The following DNAH5 variants were observed in gnomAD, a reference collection of about 807,000 sequenced individuals.
DNAH5 encodes axonemal beta dynein heavy chain 5.
In DNAH5, 372 loss-of-function variants were observed where a neutral mutation model predicts 518.2. The observed-to-expected ratio is 0.72, with a 90% confidence interval of 0.66 to 0.78. The LOEUF is 0.78. DNAH5 is among the 30% of genes least tolerant of loss of function. The pLI is 0.00. For missense variants in DNAH5, 5,523 were observed against 5,687.0 expected (o/e 0.97, Z 0.93); for synonymous variants, 2,039 against 2,025.9 (o/e 1.01, Z -0.17).
At chr5:13,818,534 T>A (rs1399575104) in intron 41 of DNAH5, among the ~76,000 whole-genome samples, 1 of 152,238 alleles carries the variant, frequency 6.6e-6, no homozygotes, top group African/African-American at 2.4e-5. Flanking sequence ...GACTCTTTTT[T>A]TCTGCTAAAA....
Position 13,923,296 on chromosome 5 carries a change from G to C in DNAH5, c.422C>G (p.Pro141Arg). The C allele has an allele frequency of 6.2e-7, 1 of 1,614,154 alleles. No individual in the cohort carries two copies. Among genetic ancestry groups the C allele is most frequent in the Non-Finnish European group, 8.5e-7 (1 of 1,180,000 alleles). The change falls in exon 4 of 79, where the codon CCT (proline) becomes CGT (arginine). Residue 141 changes from proline to arginine, a missense_variant. Coordinates refer to ENST00000265104, the MANE Select transcript of DNAH5 (RefSeq NM_001369.3). ...GCCCCTTACCTGGTGGATGTTGTCA[G>C]GGGTGATGGCTTTGGAAGGGTCAGT... Reference protein sequence around the residue: ...IRTDPSKAITPDNIHQEVSFN... With the variant: ...IRTDPSKAITRDNIHQEVSFN...
intron 17 of DNAH5, among the ~76,000 whole-genome samples, chr5:13,890,651 G>A (rs1335407292): frequency 1.3e-5 from 2 of 152,078 alleles, no homozygotes; most frequent in East Asian, 1.9e-4. Flanking sequence ...CAATTGTTTC[G>A]TTAATTAACC....
intron 65 of DNAH5, among the ~76,000 whole-genome samples, chr5:13,744,966 G>A (rs995088722): frequency 2.6e-5 from 4 of 151,968 alleles, no homozygotes; most frequent in Admixed American, 1.3e-4. Context: ...TGGTGATAAC[G>A]ATGTCTGTTT....
Position 13,786,188 on chromosome 5 carries a change from G to A in DNAH5, c.8811C>T (p.His2937=), listed in dbSNP as rs1269829970. ...DMVFFADAMV[H]LVKISRVIRT... ...AGAGTGGCTACTGTACCTTGACTAA[G>A]TGAACCATGGCATCTGCAAAGAACA... The change falls in exon 52 of 79, where the codon CAC becomes CAT. Residue 2937 remains histidine, a synonymous_variant. Transcript: ENST00000265104. The A allele has an allele frequency of 2.5e-6, 4 of 1,613,830 alleles. No homozygotes were observed. The highest frequency in any genetic ancestry group is 3.3e-5 in the Admixed American group (2 of 59,964).
intron 1 of DNAH5, among the ~76,000 whole-genome samples, chr5:13,970,819 T>C (rs1781812500): frequency 6.6e-6 from 1 of 152,228 alleles, no homozygotes; most frequent in African/African-American, 2.4e-5. Context: ...TTCTTTTATT[T>C]GGATGTCTAG....
intron 68 of DNAH5, among the ~76,000 whole-genome samples, chr5:13,733,987 T>C (rs1473303886): frequency 3.3e-5 from 5 of 152,136 alleles, no homozygotes; most frequent in African/African-American, 4.8e-5. Flanking sequence ...CATAGTGTTA[T>C]GGGATGAATA....
intron 61 of DNAH5, among the ~76,000 whole-genome samples, chr5:13,757,048 A>G (rs1751092709): frequency 6.6e-6 from 1 of 152,158 alleles, no homozygotes; most frequent in South Asian, 2.1e-4. Flanking sequence ...ATTCTTTTTT[A>G]TAGCTGCGTG....
chr5:13,758,262 G>A (rs1751285156), intron 61 of DNAH5, among the ~76,000 whole-genome samples: 1 of 152,104 alleles, frequency 6.6e-6, no homozygotes, highest in South Asian at 2.1e-4. Flanking sequence ...CCAACCTTTG[G>A]GAGGCCGAGG....
intron 72 of DNAH5, 27 bp downstream of exon 72, chr5:13,718,855 T>C: frequency 1.3e-6 from 2 of 1,565,700 alleles, no homozygotes; most frequent in African/African-American, 2.7e-5. Context: ...GAAACTCCTG[T>C]AGACTCGCAA....
chr5:13,780,912 C>G lies in DNAH5; in HGVS notation c.8868G>C (p.Gly2956=). 1 of 1,613,766 alleles carries G rather than the reference C, an allele frequency of 6.2e-7. No homozygotes were observed. The highest frequency in any genetic ancestry group is 8.5e-7 in the Non-Finnish European group (1 of 1,179,774). The part of the protein sequence containing the change: ...RTPQGNALLV[G]VGGSGKQSLT... ...GGCTCTGCTTTCCTGATCCGCCCAC[C>G]CCGACCAGGAGGGCATTTCCCTGAG... Residue 2956 remains glycine, a synonymous_variant, in exon 53 of 79, where the codon GGG becomes GGC. Transcript: ENST00000265104.
chr5:13,799,506 C>A (rs1167697638), intron 47 of DNAH5, among the ~76,000 whole-genome samples: 2 of 152,144 alleles, frequency 1.3e-5, no homozygotes, highest in Non-Finnish European at 2.9e-5. Flanking sequence ...CACCACTAAG[C>A]TATACATGTC....
intron 1 of DNAH5, among the ~76,000 whole-genome samples, chr5:13,955,161 G>C (rs1285411557): frequency 6.6e-6 from 1 of 152,102 alleles, no homozygotes. Flanking sequence ...TCTCGCGATT[G>C]AGGTCTCACA....
intron 68 of DNAH5, among the ~76,000 whole-genome samples, chr5:13,733,793 C>A (rs1422105133): frequency 6.6e-6 from 1 of 152,074 alleles, no homozygotes; most frequent in Non-Finnish European, 1.5e-5. Flanking sequence ...CACCAGGGCA[C>A]AGCATGTGTA....
At chr5:13,832,927 G>A (rs1219792320) in intron 35 of DNAH5, among the ~76,000 whole-genome samples, 1 of 152,162 alleles carries the variant, frequency 6.6e-6, no homozygotes, top group Non-Finnish European at 1.5e-5. Context: ...TCATAGCACT[G>A]TCAGTGCATT....
At chr5:13,799,293 A>G (rs1263067402) in intron 47 of DNAH5, among the ~76,000 whole-genome samples, 3 of 151,418 alleles carry the variant, frequency 2.0e-5, no homozygotes, top group African/African-American at 4.9e-5. Context: ...CTTATGGCCA[A>G]CTAGGACTTC....
At chr5:13,974,974 C>A (rs1473109014) in intron 1 of DNAH5, among the ~76,000 whole-genome samples, 3 of 152,160 alleles carry the variant, frequency 2.0e-5, no homozygotes, top group Non-Finnish European at 1.5e-5. Flanking sequence ...ATTGATGAGG[C>A]ACAGACTGGC....
At chr5:13,761,672 A>G (rs1751806613) in intron 60 of DNAH5, among the ~76,000 whole-genome samples, 1 of 151,980 alleles carries the variant, frequency 6.6e-6, no homozygotes, top group Non-Finnish European at 1.5e-5. Flanking sequence ...ACTTGATATA[A>G]TGGTTCTAAT....
intron 1 of DNAH5, among the ~76,000 whole-genome samples, chr5:13,991,550 GGAA>G: frequency 6.7e-6 from 1 of 148,940 alleles, no homozygotes. Flanking sequence ...AGGGGGAGGA[GGAA>G]GAGGAGGAGG....
At chr5:13,901,638 A>G in intron 13 of DNAH5, 65 bp from the exon 14 acceptor site, 1 of 955,472 alleles carries the variant, frequency 1.0e-6, no homozygotes, top group Non-Finnish European at 1.5e-6. Flanking sequence ...ACACAATAAA[A>G]ATATCTAGTA....
Sources: gnomAD v4.1 joint callset for allele counts (sites outside exome capture counted in the v4.1 genomes callset) on GRCh38, gnomAD v4.1.1 for gene constraint, MANE v1.5 for transcripts, NCBI Gene and HGNC (gene_info 2026-07-23, HGNC 2026-07-21) for gene names.